SMARCAD1: variants seen among roughly 807,000 people sequenced by gnomAD.
The protein encoded by SMARCAD1 is SNF2 related chromatin remodeling ATPase with DExD box 1, also known as SWI/SNF-related matrix-associated actin-dependent regulator of chromatin subfamily A containing DEAD/H box 1.
Under a neutral mutation model 127.1 loss-of-function variants are expected in SMARCAD1, and 25 were observed. The observed-to-expected ratio is 0.20, with a 90% confidence interval of 0.14 to 0.27. The LOEUF is 0.27. Ranked by LOEUF, SMARCAD1 falls within the 10% of genes least tolerant of loss-of-function variation. The pLI, the probability that SMARCAD1 is intolerant of heterozygous loss-of-function variation, is 1.00. For missense variants in SMARCAD1, 807 were observed against 1,206.0 expected (o/e 0.67, Z 4.90); for synonymous variants, 400 against 396.9 (o/e 1.01, Z -0.09).
chr4:94,265,689 T>TA (rs765017365), intron 10 of SMARCAD1, among the ~76,000 whole-genome samples: 5 of 151,518 alleles, frequency 3.3e-5, no homozygotes, highest in African/African-American at 4.8e-5. Context: ...CTTCCCTTTT[T>TA]AAAAAAAATA....
intron 9 of SMARCAD1, chr4:94,253,497 T>C (rs1749596685): frequency 1.8e-6 from 2 of 1,127,862 alleles, no homozygotes; most frequent in Non-Finnish European, 2.2e-6. Flanking sequence ...AGCAATTGTT[T>C]ATTTTCTTTT....
Position 94,208,304 on chromosome 4 carries a change from G to C in SMARCAD1, c.-49-42G>C, listed in dbSNP as rs533055193. 1.2e-4 allele frequency: 172 copies of C among 1,376,558 alleles called. 2 individuals carry two copies. Among genetic ancestry groups the C allele is most frequent in the East Asian group, 1.2e-3 (52 of 43,828 alleles). 85.3% of individuals were successfully genotyped at this position (1,376,558 alleles called of 1,614,324 possible). On this transcript the variant is annotated intron_variant, in intron 1 of 23. Coordinates refer to ENST00000354268, the MANE Select transcript of SMARCAD1 (RefSeq NM_020159.5). ...CTGCTGTGGCATTGTATCGTATATT[G>C]TTTTCATGGCCTTTTTTCCTCTCTT...
At chr4:94,248,577 C>T (rs1034686923) in intron 6 of SMARCAD1, 8 of 455,336 alleles carry the variant, frequency 1.8e-5, no homozygotes, top group African/African-American at 1.0e-4. Flanking sequence ...TTCCCCTGCT[C>T]AAAATCCTGT....
At chr4:94,236,468 A>G (rs1478804395) in intron 4 of SMARCAD1, among the ~76,000 whole-genome samples, 1 of 152,132 alleles carries the variant, frequency 6.6e-6, no homozygotes, top group Non-Finnish European at 1.5e-5. Context: ...GAGCAGTATT[A>G]GATTTTTTTA....
intron 14 of SMARCAD1, among the ~76,000 whole-genome samples, chr4:94,275,824 T>C (rs1753211683): frequency 7.4e-6 from 1 of 135,340 alleles, no homozygotes; most frequent in African/African-American, 2.8e-5. Flanking sequence ...TGAGACGGAG[T>C]CTCACTCTGT....
At chr4:94,253,235 G>A in intron 9 of SMARCAD1, 1 of 1,500,252 alleles carries the variant, frequency 6.7e-7, no homozygotes, top group East Asian at 2.6e-5. Context: ...AAGCTGATTG[G>A]CTGGGAATAC....
At chr4:94,210,082 C>T (rs1741952488) in intron 2 of SMARCAD1, among the ~76,000 whole-genome samples, 2 of 152,172 alleles carry the variant, frequency 1.3e-5, no homozygotes, top group South Asian at 4.1e-4. Context: ...CAGTATTGGT[C>T]ATGTGAAATC....
chr4:94,208,863 A>G (rs1008369755), intron 2 of SMARCAD1, among the ~76,000 whole-genome samples: 42 of 152,164 alleles, frequency 2.8e-4, no homozygotes, highest in Admixed American at 2.2e-3. Context: ...AACGGTTGCT[A>G]TTGGAAGAGC....
At chr4:94,222,827 C>T (rs753335880) in intron 2 of SMARCAD1, among the ~76,000 whole-genome samples, 5 of 151,804 alleles carry the variant, frequency 3.3e-5, no homozygotes, top group South Asian at 2.1e-4. Flanking sequence ...AGCCGGGTGT[C>T]GGGGCAGGCA....
chr4:94,241,807 C>T (rs1163639930), intron 6 of SMARCAD1, among the ~76,000 whole-genome samples: 2 of 152,052 alleles, frequency 1.3e-5, no homozygotes, highest in South Asian at 2.1e-4. Flanking sequence ...GAAAGTCTTA[C>T]CTTGTTGACT....
Position 94,226,166 on chromosome 4 carries a change from A to G in SMARCAD1, c.238A>G (p.Ile80Val), listed in dbSNP as rs1560518674. 6.2e-7 allele frequency: 1 copy of G among 1,611,936 alleles called. No homozygotes were observed. The highest frequency in any genetic ancestry group is 8.5e-7 in the Non-Finnish European group (1 of 1,178,244). Residue 80 changes from isoleucine to valine, a missense_variant, in exon 3 of 24, where the codon ATA (isoleucine) becomes GTA (valine). Coordinates refer to ENST00000354268, the MANE Select transcript of SMARCAD1 (RefSeq NM_020159.5). Reference protein sequence around the residue: ...ETPDNERKASISYFKNQRGIQ... With the variant: ...ETPDNERKASVSYFKNQRGIQ... ...TCCAGATAATGAAAGAAAAGCAAGT[A>G]TATCATATTTCAAAAATCAAAGAGG... is the stretch of plus-strand genomic sequence containing the variant.
intron 1 of SMARCAD1, 86 bp downstream of exon 1, chr4:94,208,156 A>G (rs1036907390): frequency 9.0e-6 from 6 of 664,044 alleles, no homozygotes; most frequent in Middle Eastern, 7.8e-4. Context: ...GTGAAAAGCA[A>G]TGGAAAATTT....
chr4:94,213,198 T>C lies in SMARCAD1; in HGVS notation c.190+4614T>C, dbSNP rs142182963. 5.8e-6 allele frequency: 5 copies of C among 858,620 alleles called. No individual in the cohort carries two copies. The African/African-American group carries it at 7.1e-5, about 12-fold the overall frequency. 53.2% of individuals were successfully genotyped at this position (858,620 alleles called of 1,614,324 possible). On this transcript the variant is annotated intron_variant, in intron 2 of 23. Coordinates refer to ENST00000354268, the MANE Select transcript of SMARCAD1 (RefSeq NM_020159.5). The stretch of plus-strand genomic sequence containing the variant: ...AATAGTATGGTGTGATAAAACCATA[T>C]AATAGGGCAAAATACTAAGCAAAGT...
intron 2 of SMARCAD1, chr4:94,212,978 A>C: frequency 2.2e-6 from 2 of 916,260 alleles, no homozygotes; most frequent in Non-Finnish European, 3.1e-6. Context: ...CAAAGTTGTC[A>C]ATGATTGTTA....
chr4:94,245,999 C>A (rs35995707), intron 6 of SMARCAD1, among the ~76,000 whole-genome samples: 4 of 151,994 alleles, frequency 2.6e-5, no homozygotes, highest in African/African-American at 9.7e-5. Context: ...GCAACAGATT[C>A]TTGGAGAATC....
At chr4:94,260,405 G>A (rs577484595) in intron 9 of SMARCAD1, among the ~76,000 whole-genome samples, 1 of 151,948 alleles carries the variant, frequency 6.6e-6, no homozygotes, top group South Asian at 2.1e-4. Context: ...GTGCAGTTTC[G>A]TGATCTTGGC....
intron 3 of SMARCAD1, among the ~76,000 whole-genome samples, chr4:94,232,545 G>A (rs534999000): frequency 6.6e-6 from 1 of 152,320 alleles, no homozygotes; most frequent in South Asian, 2.1e-4. Flanking sequence ...GCATGTGATT[G>A]TCCTCAAATA....
intron 4 of SMARCAD1, 43 bp downstream of exon 4, chr4:94,234,165 T>G (rs762386187): frequency 2.6e-6 from 4 of 1,526,086 alleles, no homozygotes; most frequent in Non-Finnish European, 2.7e-6. Flanking sequence ...TGATAAAATC[T>G]CTCCTGCATT....
intron 10 of SMARCAD1, among the ~76,000 whole-genome samples, chr4:94,269,545 AT>A (rs2125972316): frequency 6.7e-6 from 1 of 149,226 alleles, no homozygotes; most frequent in South Asian, 2.1e-4. Context: ...ACTTTATGGG[AT>A]TTTTAAAGGG....
Sources: gnomAD v4.1 joint callset for allele counts (sites outside exome capture counted in the v4.1 genomes callset) on GRCh38, gnomAD v4.1.1 for gene constraint, MANE v1.5 for transcripts, NCBI Gene and HGNC (gene_info 2026-07-23, HGNC 2026-07-21) for gene names.